SPOCK1: variants seen among roughly 807,000 people sequenced by gnomAD.
SPOCK1 encodes SPARC (osteonectin), cwcv and kazal like domains proteoglycan 1, also known as testican-1.
SPOCK1 carries 23 observed loss-of-function variants against 55.3 expected under a neutral mutation model. The observed-to-expected ratio is 0.42, with a 90% CI of 0.30 to 0.59. The LOEUF (loss-of-function observed/expected upper bound fraction) is 0.59, where lower values mean the gene tolerates loss of function less well. SPOCK1 is among the 20% of genes least tolerant of loss of function. The pLI is 0.22. For missense variants in SPOCK1, 499 were observed against 552.5 expected (o/e 0.90, Z 0.97); for synonymous variants, 226 against 221.0 (o/e 1.02, Z -0.20).
intron 4 of SPOCK1, among the ~76,000 whole-genome samples, chr5:137,126,808 A>T (rs1166515820): frequency 7.4e-6 from 1 of 134,994 alleles, no homozygotes; most frequent in African/African-American, 2.8e-5. Flanking sequence ...GTAAGAAAGA[A>T]ACTTGGCTGA....
chr5:137,111,691 C>T (rs149934100), intron 5 of SPOCK1, among the ~76,000 whole-genome samples: 1 of 152,196 alleles, frequency 6.6e-6, no homozygotes, highest in Admixed American at 6.5e-5. Context: ...CCTTTCTCTA[C>T]TTCCATAACC....
chr5:137,161,481 T>G (rs1754556582), intron 3 of SPOCK1, among the ~76,000 whole-genome samples: 1 of 152,176 alleles, frequency 6.6e-6, no homozygotes, highest in South Asian at 2.1e-4. Context: ...TTCTTTGGGC[T>G]CCAACGGAAG....
intron 3 of SPOCK1, among the ~76,000 whole-genome samples, chr5:137,265,350 T>C (rs1756828435): frequency 6.6e-6 from 1 of 152,246 alleles, no homozygotes; most frequent in Non-Finnish European, 1.5e-5. Flanking sequence ...TTGATCCTTA[T>C]AGCACAAGAA....
intron 6 of SPOCK1, among the ~76,000 whole-genome samples, chr5:137,046,809 T>A (rs1305268654): frequency 6.5e-5 from 2 of 30,594 alleles, no homozygotes; most frequent in Non-Finnish European, 1.7e-4. Flanking sequence ...TTGAAATACG[T>A]CCCATCAATA....
chr5:137,386,261 A>G (rs1751597558), intron 2 of SPOCK1, among the ~76,000 whole-genome samples: 1 of 152,252 alleles, frequency 6.6e-6, no homozygotes. Context: ...GTTCATGGAT[A>G]GGAAGACTCA....
At chr5:137,043,842 C>G (rs915073770) in intron 6 of SPOCK1, among the ~76,000 whole-genome samples, 2 of 152,076 alleles carry the variant, frequency 1.3e-5, no homozygotes, top group African/African-American at 4.8e-5. Flanking sequence ...GATCCTGGAA[C>G]AGAAAAACGA....
intron 2 of SPOCK1, among the ~76,000 whole-genome samples, chr5:137,322,523 T>C (rs1757998555): frequency 6.6e-6 from 1 of 152,158 alleles, no homozygotes; most frequent in Non-Finnish European, 1.5e-5. Flanking sequence ...ATACAAAAGA[T>C]GTAATTTGTG....
At chr5:137,381,622 G>A (rs1310793372) in intron 2 of SPOCK1, among the ~76,000 whole-genome samples, 1 of 152,216 alleles carries the variant, frequency 6.6e-6, no homozygotes, top group African/African-American at 2.4e-5. Flanking sequence ...CTGGAGCAAT[G>A]GTCTGAGCTG....
intron 4 of SPOCK1, among the ~76,000 whole-genome samples, chr5:137,115,898 G>C (rs1023927482): frequency 6.6e-6 from 1 of 152,188 alleles, no homozygotes; most frequent in Non-Finnish European, 1.5e-5. Flanking sequence ...GTCAAGGCAA[G>C]GGACTAAAAT....
intron 2 of SPOCK1, among the ~76,000 whole-genome samples, chr5:137,286,497 T>C (rs899100667): frequency 1.3e-5 from 2 of 152,166 alleles, no homozygotes; most frequent in Non-Finnish European, 2.9e-5. Flanking sequence ...CCAAGCACCC[T>C]GGAGCAGGTC....
chr5:137,016,989 C>T (rs986307843), intron 6 of SPOCK1, among the ~76,000 whole-genome samples: 2 of 152,224 alleles, frequency 1.3e-5, no homozygotes, highest in African/African-American at 4.8e-5. Flanking sequence ...AGCGCTGAGG[C>T]TCCTCCTTCT....
chr5:137,180,172 A>G (rs922309590), intron 3 of SPOCK1, among the ~76,000 whole-genome samples: 2 of 152,164 alleles, frequency 1.3e-5, no homozygotes, highest in East Asian at 3.8e-4. Flanking sequence ...TCATCTCTGT[A>G]CCTACCTGCA....
intron 2 of SPOCK1, among the ~76,000 whole-genome samples, chr5:137,368,998 C>T (rs1751139047): frequency 6.6e-6 from 1 of 152,244 alleles, no homozygotes; most frequent in Non-Finnish European, 1.5e-5. Flanking sequence ...CAGACTCATA[C>T]TTGCAGGCTT....
At chr5:137,236,204 G>A (rs78675179) in intron 3 of SPOCK1, among the ~76,000 whole-genome samples, 5,462 of 152,322 alleles carry the variant, frequency 0.036, 329 homozygotes, top group African/African-American at 0.12. Context: ...CTTTTGAGGT[G>A]GCCTAAGCTG....
At chr5:137,206,528 G>A (rs994020746) in intron 3 of SPOCK1, among the ~76,000 whole-genome samples, 1 of 152,260 alleles carries the variant, frequency 6.6e-6, no homozygotes, top group South Asian at 2.1e-4. Context: ...TTTTCACCCT[G>A]CAATTTACTA....
At position 137,369,682 on chromosome 5, in the gene SPOCK1, C is replaced by T. The variant is rs74736326; in HGVS notation, c.187-102627G>A. On this transcript the variant is annotated intron_variant, in intron 2 of 10. Coordinates refer to ENST00000394945, the MANE Select transcript of SPOCK1 (RefSeq NM_004598.4). ...AATTTACTTCTCACAGTTCTAGAGG[C>T]TGCAAGTCTAAGATCAAGGTGCTGG... Among the ~76,000 whole-genome samples the T allele has an allele frequency of 1.2e-4, 19 of 152,318 alleles. No homozygotes were observed. In the East Asian group the frequency reaches 3.5e-3, roughly 28 times the overall value.
chr5:137,257,033 G>A (rs1756649013), intron 3 of SPOCK1, among the ~76,000 whole-genome samples: 1 of 152,176 alleles, frequency 6.6e-6, no homozygotes, highest in African/African-American at 2.4e-5. Context: ...CTAGAGTTGG[G>A]TCAGGGCTGC....
chr5:137,377,780 C>A (rs1751353155), intron 2 of SPOCK1, among the ~76,000 whole-genome samples: 1 of 152,098 alleles, frequency 6.6e-6, no homozygotes, highest in South Asian at 2.1e-4. Flanking sequence ...CCTTGACATT[C>A]TCTACAATGG....
At chr5:137,125,224 C>A (rs1753765455) in intron 4 of SPOCK1, among the ~76,000 whole-genome samples, 1 of 152,188 alleles carries the variant, frequency 6.6e-6, no homozygotes, top group Non-Finnish European at 1.5e-5. Context: ...GCCATGAACA[C>A]CTGCAGTGTG....
Sources: allele counts gnomAD v4.1 joint callset (sites outside exome capture counted in the v4.1 genomes callset), GRCh38; gene constraint gnomAD v4.1.1; transcripts MANE v1.5; gene names NCBI Gene and HGNC (gene_info 2026-07-23, HGNC 2026-07-21).